Variants in ZNF423 observed in about 807,000 individuals in gnomAD.
ZNF423 encodes the protein Ebf-associated zinc finger protein.
In ZNF423, 12 loss-of-function variants were observed where a neutral mutation model predicts 95.8. The ratio of observed to expected loss-of-function variants is 0.13; its 90% confidence interval spans 0.08 to 0.20. The LOEUF (loss-of-function observed/expected upper bound fraction) is 0.20, where lower values mean the gene tolerates loss of function less well. ZNF423 is among the 10% of genes least tolerant of loss of function. The pLI, the probability that ZNF423 is intolerant of heterozygous loss-of-function variation, is 1.00. For synonymous variants in ZNF423, 749 were observed against 711.9 expected (o/e 1.05, Z -0.83); for missense variants, 1,316 against 1,737.1 (o/e 0.76, Z 4.31).
chr16:49,624,480 G>A (rs887100302), intron 5 of ZNF423, among the ~76,000 whole-genome samples: 1 of 152,186 alleles, frequency 6.6e-6, no homozygotes, highest in South Asian at 2.1e-4. Flanking sequence ...TTGAACCTGC[G>A]AGGCGGAGGT....
chr16:49,748,566 A>C (rs2033570386), intron 2 of ZNF423, among the ~76,000 whole-genome samples: 1 of 152,212 alleles, frequency 6.6e-6, no homozygotes, highest in African/African-American at 2.4e-5. Flanking sequence ...GTAGGAGAAC[A>C]TCTGCCAGCT....
chr16:49,556,980 A>T (rs1056711699), intron 5 of ZNF423, among the ~76,000 whole-genome samples: 2 of 152,234 alleles, frequency 1.3e-5, no homozygotes, highest in African/African-American at 4.8e-5. Flanking sequence ...CTATGAGCCC[A>T]GATCAAGTGC....
chr16:49,626,803 T>C (rs1972293360), intron 4 of ZNF423, among the ~76,000 whole-genome samples: 1 of 147,936 alleles, frequency 6.8e-6, no homozygotes, highest in Non-Finnish European at 1.5e-5. Context: ...TCCATCCATA[T>C]ACCCATCCAT....
chr16:49,710,219 C>T (rs149376428), intron 3 of ZNF423, among the ~76,000 whole-genome samples: 172 of 152,262 alleles, frequency 1.1e-3, no homozygotes, highest in African/African-American at 3.7e-3. Flanking sequence ...GTGACCTGCT[C>T]GTCATGTCTA....
chr16:49,712,268 A>G (rs879318504), intron 3 of ZNF423, among the ~76,000 whole-genome samples: 3 of 152,230 alleles, frequency 2.0e-5, no homozygotes, highest in Non-Finnish European at 4.4e-5. Flanking sequence ...TGCATTGGTC[A>G]CAGAAGGAAC....
intron 3 of ZNF423, among the ~76,000 whole-genome samples, chr16:49,727,649 G>A (rs958522613): frequency 1.1e-4 from 17 of 152,154 alleles, no homozygotes; most frequent in South Asian, 8.3e-4. Context: ...GGACACACCC[G>A]TTTGGGGAGG....
At chr16:49,819,249 CAAAAAA>C (rs34167954) in intron 1 of ZNF423, among the ~76,000 whole-genome samples, 3 of 72,724 alleles carry the variant, frequency 4.1e-5, no homozygotes, top group Non-Finnish European at 7.4e-5. Context: ...GATTCCGTCT[CAAAAAA>C]AAAAAAAAAA....
intron 5 of ZNF423, among the ~76,000 whole-genome samples, chr16:49,542,077 T>C (rs1055783848): frequency 3.9e-5 from 6 of 152,220 alleles, no homozygotes; most frequent in Admixed American, 2.0e-4. Context: ...TATCTATAAC[T>C]GGAAATGGTT....
At chr16:49,722,646 A>G (rs74639652) in intron 3 of ZNF423, among the ~76,000 whole-genome samples, 8,859 of 152,204 alleles carry the variant, frequency 0.058, 541 homozygotes, top group African/African-American at 0.15. Context: ...TCATATCCCA[A>G]AGCACTGTAT....
intron 2 of ZNF423, among the ~76,000 whole-genome samples, chr16:49,744,834 C>T (rs956869409): frequency 1.3e-5 from 2 of 152,204 alleles, no homozygotes; most frequent in Non-Finnish European, 1.5e-5. Context: ...CCACTCACCA[C>T]CCCCAGGCTC....
intron 3 of ZNF423, among the ~76,000 whole-genome samples, chr16:49,653,511 T>TC (rs1973495076): frequency 6.6e-6 from 1 of 152,132 alleles, no homozygotes; most frequent in South Asian, 2.1e-4. Context: ...ATTTTTCCCA[T>TC]CCACACATTT....
chr16:49,676,511 C>T (rs1373460758), intron 3 of ZNF423, among the ~76,000 whole-genome samples: 1 of 152,110 alleles, frequency 6.6e-6, no homozygotes, highest in Non-Finnish European at 1.5e-5. Flanking sequence ...CTCTAGGGAA[C>T]AAAAACAGCC....
chr16:49,755,140 CA>C (rs1349304827), intron 2 of ZNF423, among the ~76,000 whole-genome samples: 1 of 152,186 alleles, frequency 6.6e-6, no homozygotes, highest in Admixed American at 6.5e-5. Context: ...CCCACAAGTG[CA>C]AGTCTCATTT....
intron 1 of ZNF423, chr16:49,854,694 G>C: frequency 1.0e-6 from 1 of 985,456 alleles, no homozygotes; most frequent in Non-Finnish European, 1.2e-6. Context: ...AAGGCCAGCC[G>C]CGGGGAGAGG....
chr16:49,701,073 T>A (rs1199214178), intron 3 of ZNF423, among the ~76,000 whole-genome samples: 1 of 152,190 alleles, frequency 6.6e-6, no homozygotes, highest in Non-Finnish European at 1.5e-5. Context: ...AGAGGCCTCT[T>A]TTCAGCAAGC....
chr16:49,716,750 G>A (rs2032719330), intron 3 of ZNF423, among the ~76,000 whole-genome samples: 2 of 152,128 alleles, frequency 1.3e-5, no homozygotes, highest in Non-Finnish European at 1.5e-5. Context: ...CCTCCTGATC[G>A]CCCCTCTGAG....
chr16:49,733,269 T>A (rs2033211989), intron 2 of ZNF423, among the ~76,000 whole-genome samples: 1 of 152,192 alleles, frequency 6.6e-6, no homozygotes, highest in African/African-American at 2.4e-5. Flanking sequence ...TCTGGCTTTA[T>A]CTACTACACC....
At position 49,815,185 on chromosome 16, in the gene ZNF423, G is replaced by A. The variant is rs139915985; in HGVS notation, c.41-25639C>T. 7.0e-3 allele frequency among the ~76,000 whole-genome samples: 1,072 copies of A among 152,262 alleles called. 13 individuals are homozygous for A. The highest frequency in any genetic ancestry group is 0.024 in the African/African-American group (1,015 of 41,554). On this transcript the variant is annotated intron_variant, in intron 1 of 7. Coordinates refer to ENST00000563137, the MANE Select transcript of ZNF423 (RefSeq NM_001379286.1). ...GGTCAAAGAGGGCCTACCTTAGTGGGAGAATAGGCTGCTCAGTAAATTTGG... is the reference window on the plus strand; with the variant it reads ...GGTCAAAGAGGGCCTACCTTAGTGGAAGAATAGGCTGCTCAGTAAATTTGG...
chr16:49,665,474 A>G (rs1273619478), intron 3 of ZNF423, among the ~76,000 whole-genome samples: 1 of 152,182 alleles, frequency 6.6e-6, no homozygotes, highest in Non-Finnish European at 1.5e-5. Flanking sequence ...CCCTCCTGGA[A>G]AAAGCAGGCT....
Sources: allele counts gnomAD v4.1 joint callset (sites outside exome capture counted in the v4.1 genomes callset), GRCh38; gene constraint gnomAD v4.1.1; transcripts MANE v1.5; gene names NCBI Gene and HGNC (gene_info 2026-07-23, HGNC 2026-07-21).